PSMB4: variants seen among roughly 807,000 people sequenced by gnomAD.
PSMB4 encodes proteasome 20S subunit beta 4.
A neutral mutation model predicts 35.2 loss-of-function variants in PSMB4; 16 were observed. The observed-to-expected ratio is 0.45, with a 90% CI of 0.31 to 0.69. PSMB4 has a LOEUF of 0.69. Among genes scored for constraint, PSMB4 ranks in the 30% least tolerant of loss-of-function variants. The pLI, the probability that PSMB4 is intolerant of heterozygous loss-of-function variation, is 0.06. For missense variants in PSMB4, 333 were observed against 351.8 expected, an observed-to-expected ratio of 0.95 and a Z score of 0.43; for synonymous variants, 144 against 134.1, an observed-to-expected ratio of 1.07 and a Z score of -0.51.
intron 2 of PSMB4, 53 bp downstream of exon 2, chr1:151,400,240 C>T: frequency 6.3e-7 from 1 of 1,580,588 alleles, no homozygotes; most frequent in Non-Finnish European, 8.7e-7. Flanking sequence ...GGGGAGTCCC[C>T]TGTTTTTTAT....
Position 151,401,273 on chromosome 1 carries a change from T to C in PSMB4, c.611T>C (p.Val204Ala), listed in dbSNP as rs778245626. ...CGAGAAGTTCTGGAGAAGCAGCCAGTGCTAAGCCAGACCGAGGCCCGCGAC... is the reference window on the plus strand; with the variant it reads ...CGAGAAGTTCTGGAGAAGCAGCCAGCGCTAAGCCAGACCGAGGCCCGCGAC... ...LLREVLEKQP[V>A]LSQTEARDLV... The change falls in exon 5 of 7, where the codon GTG becomes GCG. Residue 204 changes from valine (V) to alanine (A), a missense_variant. By Grantham distance (64) the Val-to-Ala change is moderately conservative (BLOSUM62 0). Coordinates refer to ENST00000290541, the MANE Select transcript of PSMB4 (RefSeq NM_002796.3). The C allele has an allele frequency of 1.2e-6, 2 of 1,614,030 alleles. No homozygotes were observed. Among genetic ancestry groups the C allele is most frequent in the African/African-American group, 2.7e-5 (2 of 74,910 alleles).
Position 151,400,554 on chromosome 1 carries a change from A to G in PSMB4, c.460A>G (p.Thr154Ala). ...RRSKMNPLWN[T>A]MVIGGYADGE... ...CTCGAAGATGAACCCTTTGTGGAACACCATGGTCATCGGAGGCTATGCTGA... is the reference window on the plus strand; with the variant it reads ...CTCGAAGATGAACCCTTTGTGGAACGCCATGGTCATCGGAGGCTATGCTGA... Residue 154 changes from threonine to alanine, a missense_variant, in exon 3 of 7, where the codon ACC becomes GCC. Coordinates refer to ENST00000290541, the MANE Select transcript of PSMB4 (RefSeq NM_002796.3). 1 of 1,614,150 alleles carries G rather than the reference A, an allele frequency of 6.2e-7. No homozygotes were observed.
Position 151,400,814 on chromosome 1 carries a change from T to C in PSMB4, c.545T>C (p.Leu182Pro). The change falls in exon 4 of 7, where the codon CTG (leucine) becomes CCG (proline). Residue 182 changes from leucine (L) to proline (P), a missense_variant. Physicochemically the swap from Leu to Pro is moderately conservative, Grantham distance 98 (BLOSUM62 -3). Coordinates refer to ENST00000290541, the MANE Select transcript of PSMB4 (RefSeq NM_002796.3). ...GGTGTAGCCTATGAAGCCCCTTCGC[T>C]GGCCACTGGTTATGGTGCATACTTG... ...MLGVAYEAPS[L>P]ATGYGAYLAQ... is the part of the protein sequence containing the mutation. The C allele has an allele frequency of 6.2e-7, 1 of 1,614,210 alleles. No homozygotes were observed. The highest frequency in any genetic ancestry group is 1.1e-5 in the South Asian group (1 of 91,078).
In PSMB4 at chr1:151,399,626, G is replaced by GGGGGGTCCT; in HGVS notation, c.47_48insTGGGGGTCC (p.Gly14_Pro16dup). The GGGGGGTCCT allele has an allele frequency of 6.2e-7, 1 of 1,613,508 alleles. No individual in the cohort carries two copies. Among genetic ancestry groups the GGGGGGTCCT allele is most frequent in the Non-Finnish European group, 8.5e-7 (1 of 1,179,688 alleles). ...TGGGGTCGCGGTCCGGACTTTGGGCGGGGGGTCCGGCCCCAGGACAGTTTT... is the reference window on the plus strand; with the variant it reads ...TGGGGTCGCGGTCCGGACTTTGGGCGGGGGGTCCTGGGGGTCCGGCCCCAGGACAGTTTT... On this transcript the variant is annotated inframe_insertion, in exon 1 of 7. Coordinates refer to ENST00000290541, the MANE Select transcript of PSMB4 (RefSeq NM_002796.3).
rs780723106 is a variant in PSMB4, at chr1:151,399,607, C to T, written c.20C>T (p.Ser7Leu). The T allele has an allele frequency of 1.1e-5, 17 of 1,611,930 alleles. No homozygotes were observed. Among genetic ancestry groups the T allele is most frequent in the East Asian group, 4.5e-5 (2 of 44,866 alleles). The change falls in exon 1 of 7, where the codon TCG (serine) becomes TTG (leucine). Residue 7 changes from serine (S) to leucine (L), a missense_variant. Physicochemically the swap from Ser to Leu is moderately radical, Grantham distance 145 (BLOSUM62 -2). Transcript: ENST00000290541. ...ACTAAGATGGAAGCGTTTTTGGGGTCGCGGTCCGGACTTTGGGCGGGGGGT... is the reference window on the plus strand; with the variant it reads ...ACTAAGATGGAAGCGTTTTTGGGGTTGCGGTCCGGACTTTGGGCGGGGGGT... MEAFLG[S>L]RSGLWAGGPA...
At chr1:151,401,456 A>G (rs1652831134) in intron 5 of PSMB4, 86 bp from the exon 6 acceptor site, 8 of 1,520,548 alleles carry the variant, frequency 5.3e-6, no homozygotes, top group African/African-American at 4.1e-5. Flanking sequence ...TGTGACTCCT[A>G]TTTTCACATT....
Position 151,401,047 on chromosome 1 carries a change from A to T in PSMB4, c.577-192A>T, listed in dbSNP as rs1015088344. The T allele has an allele frequency of 5.3e-6, 4 of 757,094 alleles. No individual in the cohort carries two copies. The African/African-American group carries it at 6.9e-5, about 13-fold the overall frequency. 46.9% of individuals were successfully genotyped at this position (757,094 alleles called of 1,614,324 possible). Reference sequence around the variant, plus strand: ...ATGACATGACTGGGAGTCAGTAGACATGCAAAGAGAGGACACCCTAGAACT... The same window carrying T: ...ATGACATGACTGGGAGTCAGTAGACTTGCAAAGAGAGGACACCCTAGAACT... On this transcript the variant is annotated intron_variant, in intron 4 of 6. Coordinates refer to ENST00000290541, the MANE Select transcript of PSMB4 (RefSeq NM_002796.3).
chr1:151,401,289 G>A lies in PSMB4; in HGVS notation c.627G>A (p.Glu209=), dbSNP rs146990256. The change falls in exon 5 of 7, where the codon GAG becomes GAA. Residue 209 remains glutamate (E), a synonymous_variant. Coordinates refer to ENST00000290541, the MANE Select transcript of PSMB4 (RefSeq NM_002796.3). ...LEKQPVLSQT[E]ARDLVERCMR... ...AGCAGCCAGTGCTAAGCCAGACCGA[G>A]GCCCGCGACTTAGTAGAACGCTGCA... is the stretch of plus-strand genomic sequence containing the variant. The A allele has an allele frequency of 5.0e-6, 8 of 1,614,024 alleles. No individual in the cohort carries two copies. The African/African-American group carries it at 6.7e-5, about 13-fold the overall frequency.
chr1:151,401,640 A>AG lies in PSMB4; in HGVS notation c.782+13dup. 6.3e-7 allele frequency: 1 copy of AG among 1,594,104 alleles called. No homozygotes were observed. The highest frequency in any genetic ancestry group is 8.6e-7 in the Non-Finnish European group (1 of 1,161,968). On this transcript the variant is annotated intron_variant, in intron 6 of 6. Transcript: ENST00000290541. ...TTGCCCACATGATCAGGTGAGTAATAGGGAAAAAATTGGTGACAGACTTGG... is the reference window on the plus strand; with the variant it reads ...TTGCCCACATGATCAGGTGAGTAATAGGGGAAAAAATTGGTGACAGACTTGG...
chr1:151,400,341 C>T (rs1308823153), intron 2 of PSMB4, 101 bp from the exon 3 acceptor site: 1 of 1,492,796 alleles, frequency 6.7e-7, no homozygotes, highest in East Asian at 2.3e-5. Flanking sequence ...AAGTTTTTGG[C>T]ATTAGGTGTA....
chr1:151,401,261 A>G lies in PSMB4; in HGVS notation c.599A>G (p.Glu200Gly), dbSNP rs553152067. The G allele has an allele frequency of 1.2e-6, 2 of 1,614,040 alleles. No homozygotes were observed. Among genetic ancestry groups the G allele is most frequent in the Admixed American group, 1.7e-5 (1 of 60,008 alleles). Residue 200 changes from glutamate to glycine, a missense_variant, in exon 5 of 7, where the codon GAG becomes GGG. By Grantham distance (98) the Glu-to-Gly change is moderately conservative. Transcript: ENST00000290541. ...LAQPLLREVL[E>G]KQPVLSQTEA... ...TAGCCTCTGCTGCGAGAAGTTCTGG[A>G]GAAGCAGCCAGTGCTAAGCCAGACC...
rs748325633 is a variant in PSMB4 at position 151,399,622 on chromosome 1, G to A, written c.35G>A (p.Trp12Ter). The A allele has an allele frequency of 6.2e-7, 1 of 1,614,024 alleles. No homozygotes were observed. Reference sequence around the variant, plus strand: ...TTTTTGGGGTCGCGGTCCGGACTTTGGGCGGGGGGTCCGGCCCCAGGACAG... The same window carrying A: ...TTTTTGGGGTCGCGGTCCGGACTTTAGGCGGGGGGTCCGGCCCCAGGACAG... Reference protein sequence around the residue: ...EAFLGSRSGLWAGGPAPGQFY... With the variant: ...EAFLGSRSGL Residue 12 changes from tryptophan (W) to a stop codon, truncating the protein, a stop_gained, in exon 1 of 7, where the codon TGG becomes TAG. Transcript: ENST00000290541. LOFTEE classifies it high-confidence loss of function.
At position 151,399,607 on chromosome 1, in the gene PSMB4, C is replaced by A; in HGVS notation, c.20C>A (p.Ser7Ter). ...ACTAAGATGGAAGCGTTTTTGGGGTCGCGGTCCGGACTTTGGGCGGGGGGT... is the reference window on the plus strand; with the variant it reads ...ACTAAGATGGAAGCGTTTTTGGGGTAGCGGTCCGGACTTTGGGCGGGGGGT... MEAFLG[S>*]RSGLWAGGPA... Residue 7 changes from serine to a stop codon, truncating the protein, a stop_gained, in exon 1 of 7, where the codon TCG (serine) becomes TAG (stop). Transcript: ENST00000290541. LOFTEE classifies it high-confidence loss of function. 6.2e-7 allele frequency: 1 copy of A among 1,612,048 alleles called. No homozygotes were observed. Among genetic ancestry groups the A allele is most frequent in the Non-Finnish European group, 8.5e-7 (1 of 1,179,294 alleles).
rs1381253351 is a variant in PSMB4 at position 151,400,207 on chromosome 1, G to A, written c.347+20G>A. ...GATGGTGTAAGTCATCCAGAGAACA[G>A]GAGAGTGGTTCCCAAGTAGAGAGGG... is the stretch of plus-strand genomic sequence containing the variant. On this transcript the variant is annotated intron_variant, in intron 2 of 6. Transcript: ENST00000290541. 4 of 1,610,882 alleles carry A rather than the reference G, an allele frequency of 2.5e-6. No homozygotes were observed. In the African/African-American group the frequency reaches 5.3e-5, roughly 22 times the overall value.
intron 1 of PSMB4, 46 bp from the exon 2 acceptor site, chr1:151,399,935 G>C (rs745503245): frequency 4.4e-6 from 7 of 1,579,596 alleles, no homozygotes; most frequent in Middle Eastern, 2.2e-4. Flanking sequence ...CGGAAAGAGG[G>C]CGCAGTCCAT....
Position 151,401,296 on chromosome 1 carries a change from G to A in PSMB4, c.634G>A (p.Asp212Asn), listed in dbSNP as rs780019985. ...QPVLSQTEAR[D>N]LVERCMRVLY... ...AGTGCTAAGCCAGACCGAGGCCCGC[G>A]ACTTAGTAGAACGCTGCATGCGAGT... The change falls in exon 5 of 7, where the codon GAC becomes AAC. Residue 212 changes from aspartate (D) to asparagine (N), a missense_variant. Physicochemically the swap from Asp to Asn is conservative, Grantham distance 23. Coordinates refer to ENST00000290541, the MANE Select transcript of PSMB4 (RefSeq NM_002796.3). The A allele has an allele frequency of 3.7e-6, 6 of 1,614,006 alleles. No homozygotes were observed. Among genetic ancestry groups the A allele is most frequent in the Non-Finnish European group, 2.5e-6 (3 of 1,180,032 alleles).
chr1:151,401,752 C>A, intron 6 of PSMB4, 65 bp from the exon 7 acceptor site: 2 of 1,568,478 alleles, frequency 1.3e-6, no homozygotes, highest in Non-Finnish European at 1.8e-6. Flanking sequence ...TTGGACAGTA[C>A]AGCTATTTTT....
In PSMB4 at chr1:151,401,303, T is replaced by C; in HGVS notation, c.641T>C (p.Val214Ala). 1 of 1,614,144 alleles carries C rather than the reference T, an allele frequency of 6.2e-7. No individual in the cohort carries two copies. Among genetic ancestry groups the C allele is most frequent in the Middle Eastern group, 1.6e-4 (1 of 6,062 alleles). ...AGCCAGACCGAGGCCCGCGACTTAG[T>C]AGAACGCTGCATGCGAGTGCTGTAC... ...VLSQTEARDL[V>A]ERCMRVLYYR... The change falls in exon 5 of 7, where the codon GTA (valine) becomes GCA (alanine). Residue 214 changes from valine (V) to alanine (A), a missense_variant. Transcript: ENST00000290541.
rs770110723 is a variant in PSMB4, at chr1:151,400,841, C to T, written c.572C>T (p.Ala191Val). The T allele has an allele frequency of 6.2e-7, 1 of 1,613,606 alleles. No individual in the cohort carries two copies. Among genetic ancestry groups the T allele is most frequent in the Admixed American group, 1.7e-5 (1 of 60,020 alleles). Residue 191 changes from alanine (A) to valine (V), a missense_variant, in exon 4 of 7, where the codon GCT (alanine) becomes GTT (valine). Ala to Val is a moderately conservative substitution (Grantham distance 64). Coordinates refer to ENST00000290541, the MANE Select transcript of PSMB4 (RefSeq NM_002796.3). ...SLATGYGAYL[A>V]QPLLREVLEK... is the part of the protein sequence containing the mutation. ...GCCACTGGTTATGGTGCATACTTGG[C>T]TCAGGTAAGTAGTAAGTCTAGAGGT...
Sources: allele counts gnomAD v4.1 joint callset, GRCh38; gene constraint gnomAD v4.1.1; transcripts MANE v1.5; gene names NCBI Gene and HGNC (gene_info 2026-07-23, HGNC 2026-07-21).